The following OPCML variants were observed in gnomAD, a reference collection of about 807,000 sequenced individuals.
The protein encoded by OPCML is opioid binding protein/cell adhesion molecule like, also known as opioid-binding protein/cell adhesion molecule.
Under a neutral mutation model 37.8 loss-of-function variants are expected in OPCML, and 13 were observed. That is an observed-to-expected ratio of 0.34 (90% CI 0.22 to 0.55). The LOEUF (loss-of-function observed/expected upper bound fraction) is 0.55. OPCML is among the 20% of genes least tolerant of loss of function. OPCML has a pLI of 0.91. For missense variants in OPCML, 341 were observed against 435.6 expected (o/e 0.78, Z 1.93); for synonymous variants, 176 against 168.8 (o/e 1.04, Z -0.33).
chr11:132,874,220 T>C (rs2725423), intron 2 of OPCML, among the ~76,000 whole-genome samples: 1 of 152,030 alleles, frequency 6.6e-6, no homozygotes, highest in Non-Finnish European at 1.5e-5. Flanking sequence ...TATTATCATC[T>C]TTATTATTTT....
chr11:133,274,870 G>A (rs1442015130), intron 1 of OPCML, among the ~76,000 whole-genome samples: 1 of 152,186 alleles, frequency 6.6e-6, no homozygotes, highest in Non-Finnish European at 1.5e-5. Flanking sequence ...TAAACGCAAA[G>A]TACAGTTCAG....
Position 132,501,728 on chromosome 11 carries a change from T to A in OPCML, c.505+27333A>T, listed in dbSNP as rs565691779. ...TTTTCTCCATCAACATAGAATTTTT[T>A]AAATAGGTAACGTGTTTCATGAACC... On this transcript the variant is annotated intron_variant, in intron 4 of 7. Transcript: ENST00000524381. Among the ~76,000 whole-genome samples, 228 of 152,324 alleles carry A rather than the reference T, an allele frequency of 1.5e-3. 1 individual carries two copies. Among genetic ancestry groups the A allele is most frequent in the Non-Finnish European group, 2.5e-3 (169 of 68,030 alleles).
intron 3 of OPCML, among the ~76,000 whole-genome samples, chr11:132,614,773 A>G (rs1335620375): frequency 6.6e-6 from 1 of 152,222 alleles, no homozygotes; most frequent in Non-Finnish European, 1.5e-5. Flanking sequence ...GGTGTTCTTA[A>G]AAGAGGTTGT....
At chr11:133,531,451 C>A (rs577080503) in intron 1 of OPCML, among the ~76,000 whole-genome samples, 1 of 152,126 alleles carries the variant, frequency 6.6e-6, no homozygotes, top group African/African-American at 2.4e-5. Context: ...TCCAACCTTC[C>A]CTCAGCAGGG....
At chr11:132,591,125 T>TA (rs2096483733) in intron 3 of OPCML, among the ~76,000 whole-genome samples, 1 of 152,182 alleles carries the variant, frequency 6.6e-6, no homozygotes, top group South Asian at 2.1e-4. Flanking sequence ...CTCCTTCTGT[T>TA]AGTTATCCCC....
At chr11:133,498,476 G>A (rs1275020879) in intron 1 of OPCML, among the ~76,000 whole-genome samples, 1 of 152,122 alleles carries the variant, frequency 6.6e-6, no homozygotes, top group Non-Finnish European at 1.5e-5. Flanking sequence ...CCAGGAAACC[G>A]GGCACAATAT....
rs115619277 is a variant in OPCML at position 132,872,824 on chromosome 11, C to A, written c.146+70102G>T. Among the ~76,000 whole-genome samples, 505 of 152,096 alleles carry A rather than the reference C, an allele frequency of 3.3e-3. 2 individuals are homozygous for A. The highest frequency in any genetic ancestry group is 0.011 in the African/African-American group (477 of 41,538). On this transcript the variant is annotated intron_variant, in intron 2 of 7. Coordinates refer to ENST00000524381, the MANE Select transcript of OPCML (RefSeq NM_001012393.5). ...GCTACCATCCTCCATGCCTTGATTT[C>A]TTTTCCTGTCATGCCACCTTGCTCC...
intron 4 of OPCML, among the ~76,000 whole-genome samples, chr11:132,520,484 T>G (rs2096290155): frequency 6.6e-6 from 1 of 152,172 alleles, no homozygotes; most frequent in Non-Finnish European, 1.5e-5. Flanking sequence ...AACAAATTCT[T>G]ATATAAGCAT....
At chr11:133,039,954 G>A (rs536828210) in intron 1 of OPCML, among the ~76,000 whole-genome samples, 136 of 151,678 alleles carry the variant, frequency 9.0e-4, no homozygotes, top group Middle Eastern at 6.8e-3. Context: ...ACTTGAACCC[G>A]GGAGGCGGAG....
Position 132,808,929 on chromosome 11 carries a change from T to C in OPCML, c.146+133997A>G, listed in dbSNP as rs1591638728. On this transcript the variant is annotated intron_variant, in intron 2 of 7. Coordinates refer to ENST00000524381, the MANE Select transcript of OPCML (RefSeq NM_001012393.5). ...TCAGATACAAACATAATTCAGACCTTTGTTATTCTAAAAGCCCCAAAAGAA... is the reference window on the plus strand; with the variant it reads ...TCAGATACAAACATAATTCAGACCTCTGTTATTCTAAAAGCCCCAAAAGAA... Among the ~76,000 whole-genome samples the C allele has an allele frequency of 2.0e-5, 3 of 152,206 alleles. No individual in the cohort carries two copies. In the Middle Eastern group the frequency reaches 0.01, roughly 518 times the overall value.
chr11:132,749,858 GTTTA>G (rs895861184), intron 2 of OPCML, among the ~76,000 whole-genome samples: 22 of 151,982 alleles, frequency 1.4e-4, no homozygotes, highest in African/African-American at 5.1e-4. Flanking sequence ...CATTGAATTT[GTTTA>G]TTTATTTATT....
chr11:132,795,254 T>A (rs1399123053), intron 2 of OPCML, among the ~76,000 whole-genome samples: 2 of 152,238 alleles, frequency 1.3e-5, no homozygotes, highest in African/African-American at 4.8e-5. Flanking sequence ...TAATTTTTAG[T>A]GATGTTTGAA....
chr11:133,034,239 C>G (rs144087035), intron 1 of OPCML, among the ~76,000 whole-genome samples: 1,711 of 151,622 alleles, frequency 0.011, 26 homozygotes, highest in African/African-American at 0.038. Flanking sequence ...TAGATCCCAA[C>G]CAGCTATCAA....
At chr11:133,140,784 C>A (rs62644104) in intron 1 of OPCML, among the ~76,000 whole-genome samples, 796 of 28,644 alleles carry the variant, frequency 0.028, 36 homozygotes, top group African/African-American at 0.063. Context: ...AAGAAGAAGA[C>A]GACGAAGAAG....
At chr11:132,926,989 A>T (rs988241839) in intron 2 of OPCML, among the ~76,000 whole-genome samples, 9 of 152,148 alleles carry the variant, frequency 5.9e-5, no homozygotes, top group African/African-American at 2.2e-4. Context: ...AAGACATATC[A>T]TTTGAAATTA....
Position 133,442,726 on chromosome 11 carries a change from CGTGTGTGTGTGTGTGTGTGT to C in OPCML, c.61+89518_61+89537del, listed in dbSNP as rs371441649. 3.9e-3 allele frequency among the ~76,000 whole-genome samples: 551 copies of C among 141,452 alleles called. 2 individuals carry two copies. Among genetic ancestry groups the C allele is most frequent in the Middle Eastern group, 0.025 (7 of 278 alleles). The allele number at this position is 141,452 out of a possible 152,430, so 92.8% of individuals were successfully genotyped here. On this transcript the variant is annotated intron_variant, in intron 1 of 7. Coordinates refer to ENST00000524381, the MANE Select transcript of OPCML (RefSeq NM_001012393.5). ...GATTGCAAAAGCAAACATATTTAAACGTGTGTGTGTGTGTGTGTGTGTGTGTGTGTGTGTGTGTGTCTTTT... is the reference window on the plus strand; with the variant it reads ...GATTGCAAAAGCAAACATATTTAAACGTGTGTGTGTGTGTGTGTGTCTTTT...
chr11:132,817,060 G>T (rs1430250462), intron 2 of OPCML: 1 of 152,342 alleles, frequency 6.6e-6, no homozygotes, highest in African/African-American at 2.4e-5. Flanking sequence ...CGGCAACAAT[G>T]ATGGCTCAGG....
chr11:132,681,631 C>T (rs866902524), intron 2 of OPCML, among the ~76,000 whole-genome samples: 4 of 152,064 alleles, frequency 2.6e-5, no homozygotes, highest in East Asian at 1.9e-4. Flanking sequence ...TCCGGGATGC[C>T]GGACAAGAAC....
rs896349747 is a variant in OPCML at position 132,527,701 on chromosome 11, C to T, written c.505+1360G>A. On this transcript the variant is annotated intron_variant, in intron 4 of 7. Coordinates refer to ENST00000524381, the MANE Select transcript of OPCML (RefSeq NM_001012393.5). ...TTTTTAATTTTGATGAAGGCTATGA[C>T]GAGTTAAGTTACAAGCCTATAAAAA... is the stretch of plus-strand genomic sequence containing the variant. 5.9e-5 allele frequency among the ~76,000 whole-genome samples: 9 copies of T among 152,206 alleles called. No individual in the cohort carries two copies. In the East Asian group the frequency reaches 1.2e-3, roughly 20 times the overall value.
Sources: allele counts gnomAD v4.1 joint callset (sites outside exome capture counted in the v4.1 genomes callset), GRCh38; gene constraint gnomAD v4.1.1; transcripts MANE v1.5; gene names NCBI Gene and HGNC (gene_info 2026-07-23, HGNC 2026-07-21).